The following GLRA1 variants were observed in gnomAD, a reference collection of about 807,000 sequenced individuals.
GLRA1 encodes glycine receptor alpha 1.
Under a neutral mutation model 48.3 loss-of-function variants are expected in GLRA1, and 37 were observed. The observed-to-expected ratio is 0.77, with a 90% CI of 0.59 to 1.01. The LOEUF is 1.01. GLRA1 is among the 50% of genes least tolerant of loss of function. GLRA1 has a pLI of 0.00. For synonymous variants in GLRA1, 196 were observed against 210.7 expected (o/e 0.93, Z 0.60); for missense variants, 427 against 571.0 (o/e 0.75, Z 2.57).
At chr5:151,826,178 G>T (rs933942485) in intron 8 of GLRA1, among the ~76,000 whole-genome samples, 2 of 152,208 alleles carry the variant, frequency 1.3e-5, no homozygotes, top group African/African-American at 4.8e-5. Context: ...GGCAGTTCCA[G>T]TGCACCAATA....
intron 1 of GLRA1, among the ~76,000 whole-genome samples, chr5:151,913,744 A>G (rs540210223): frequency 2.6e-5 from 4 of 152,302 alleles, no homozygotes; most frequent in East Asian, 1.9e-4. Flanking sequence ...CTGGATTCCA[A>G]TCCCACACTG....
intron 8 of GLRA1, among the ~76,000 whole-genome samples, chr5:151,827,606 T>C (rs1763309220): frequency 1.3e-5 from 2 of 152,310 alleles, no homozygotes; most frequent in South Asian, 2.1e-4. Flanking sequence ...TAAAGAAAAC[T>C]AAAGAGGCAG....
At chr5:151,912,209 A>C (rs1754631666) in intron 1 of GLRA1, among the ~76,000 whole-genome samples, 1 of 150,018 alleles carries the variant, frequency 6.7e-6, no homozygotes, top group Admixed American at 6.6e-5. Context: ...CATTTATTCA[A>C]GCACCCTCTC....
chr5:151,838,847 A>T (rs1216955060), intron 7 of GLRA1, among the ~76,000 whole-genome samples: 1 of 152,236 alleles, frequency 6.6e-6, no homozygotes, highest in African/African-American at 2.4e-5. Context: ...ACCTAGACAC[A>T]TCCTAATCAA....
intron 7 of GLRA1, among the ~76,000 whole-genome samples, chr5:151,839,646 CTTAGGG>C (rs149741882): frequency 7.1e-4 from 108 of 152,148 alleles, no homozygotes; most frequent in Middle Eastern, 3.4e-3. Flanking sequence ...TTAGGTTAGA[CTTAGGG>C]TTAGGGTTAG....
At chr5:151,872,859 T>A (rs550561065) in intron 3 of GLRA1, among the ~76,000 whole-genome samples, 1 of 149,852 alleles carries the variant, frequency 6.7e-6, no homozygotes, top group African/African-American at 2.6e-5. Context: ...GAGAGAGGCG[T>A]CAAGCTGTGG....
Position 151,924,765 on chromosome 5 carries a change from G to GGA in GLRA1, c.-218_-217dup. ...CGGCTGCGAGGCGTTTCAGCACCAC[G>GGA]GAGAGCGTCCAGACCTGCTTTTCAG... On this transcript the variant is annotated 5_prime_UTR_variant, in exon 1 of 9. Coordinates refer to ENST00000274576, the MANE Select transcript of GLRA1 (RefSeq NM_000171.4). 1.6e-6 allele frequency: 1 copy of GGA among 635,584 alleles called. No homozygotes were observed. The highest frequency in any genetic ancestry group is 1.8e-5 in the African/African-American group (1 of 55,154). 39.4% of individuals were successfully genotyped at this position (635,584 alleles called of 1,614,324 possible).
intron 3 of GLRA1, among the ~76,000 whole-genome samples, chr5:151,885,378 G>A (rs1169311054): frequency 4.6e-5 from 7 of 152,224 alleles, no homozygotes; most frequent in Non-Finnish European, 7.3e-5. Flanking sequence ...GGTTGGTACA[G>A]TGGTAATTGT....
Position 151,828,831 on chromosome 5 carries a change from C to G in GLRA1, c.1059+90G>C. 6.1e-6 allele frequency: 8 copies of G among 1,301,780 alleles called. No homozygotes were observed. The South Asian group carries it at 1.1e-4, about 18-fold the overall frequency. The allele number at this position is 1,301,780 out of a possible 1,614,324, so 80.6% of individuals were successfully genotyped here. ...GCCTTGCACATTGAGAAGGATGGACCATTGAAACAAATAACACAAGACAAT... is the reference window on the plus strand; with the variant it reads ...GCCTTGCACATTGAGAAGGATGGACGATTGAAACAAATAACACAAGACAAT... On this transcript the variant is annotated intron_variant, in intron 8 of 8. Transcript: ENST00000274576.
At chr5:151,858,255 A>C (rs554939715) in intron 4 of GLRA1, among the ~76,000 whole-genome samples, 2 of 152,202 alleles carry the variant, frequency 1.3e-5, no homozygotes, top group Non-Finnish European at 2.9e-5. Context: ...AGGCTGAGGA[A>C]GAAGAGGCAA....
At chr5:151,873,621 AC>A (rs1418840313) in intron 3 of GLRA1, among the ~76,000 whole-genome samples, 3 of 150,796 alleles carry the variant, frequency 2.0e-5, no homozygotes, top group African/African-American at 7.3e-5. Context: ...GATTGAGATC[AC>A]GCCACTGCAC....
At chr5:151,880,516 C>T (rs1361690723) in intron 3 of GLRA1, among the ~76,000 whole-genome samples, 1 of 152,254 alleles carries the variant, frequency 6.6e-6, no homozygotes, top group African/African-American at 2.4e-5. Context: ...CTAGCCTGCC[C>T]CTTGGCAAGA....
intron 3 of GLRA1, among the ~76,000 whole-genome samples, chr5:151,861,426 G>A (rs1472184836): frequency 1.3e-5 from 2 of 152,178 alleles, no homozygotes; most frequent in South Asian, 4.1e-4. Flanking sequence ...ATTCTAACTG[G>A]TGTGAGATGG....
chr5:151,911,658 T>G (rs1373355438), intron 1 of GLRA1, among the ~76,000 whole-genome samples: 1 of 135,516 alleles, frequency 7.4e-6, no homozygotes, highest in African/African-American at 2.9e-5. Context: ...CAGGCCGGAG[T>G]GCAGTGGCAC....
At chr5:151,849,381 C>CTTTCCTTTCG (rs1752817636) in intron 7 of GLRA1, among the ~76,000 whole-genome samples, 2 of 4,788 alleles carry the variant, frequency 4.2e-4, no homozygotes, top group Non-Finnish European at 3.6e-4. Flanking sequence ...CTTTCGTTTC[C>CTTTCCTTTCG]TTTCCTTTCC....
chr5:151,898,757 T>C (rs1681441121), intron 1 of GLRA1, among the ~76,000 whole-genome samples: 1 of 152,108 alleles, frequency 6.6e-6, no homozygotes, highest in African/African-American at 2.4e-5. Context: ...AAGAGGACAC[T>C]GTAAAAACGA....
rs375546011 is a variant in GLRA1 at position 151,849,153 on chromosome 5, T to TTTCTTTCTTTC, written c.912+2236_912+2237insGAAAGAAAGAA. 744 of 75,936 alleles carry TTTCTTTCTTTC rather than the reference T, an allele frequency of 9.8e-3. 4 individuals are homozygous for TTTCTTTCTTTC. Among genetic ancestry groups the TTTCTTTCTTTC allele is most frequent in the Admixed American group, 0.026 (136 of 5,136 alleles). 4.7% of individuals were successfully genotyped at this position (75,936 alleles called of 1,614,324 possible). A position where few individuals can be genotyped will look rare whatever the true frequency, so the allele number is the denominator to read the frequency against. ...CTTTCTTTCTTTCTTTCTTTCTTTCTTTTCTTTTCTTTTCTTTCTTTCTTT... is the reference window on the plus strand; with the variant it reads ...CTTTCTTTCTTTCTTTCTTTCTTTCTTTCTTTCTTTCTTTCTTTTCTTTTCTTTCTTTCTTT... On this transcript the variant is annotated intron_variant, in intron 7 of 8. Transcript: ENST00000274576.
chr5:151,917,548 G>A (rs1460833693), intron 1 of GLRA1, among the ~76,000 whole-genome samples: 1 of 152,112 alleles, frequency 6.6e-6, no homozygotes, highest in Non-Finnish European at 1.5e-5. Context: ...CATAATCTAT[G>A]CCATAAACTA....
At chr5:151,876,120 A>G (rs1753623312) in intron 3 of GLRA1, among the ~76,000 whole-genome samples, 1 of 152,118 alleles carries the variant, frequency 6.6e-6, no homozygotes, top group Non-Finnish European at 1.5e-5. Flanking sequence ...CTTTGTTTCA[A>G]TTTATCCTTT....
Sources: allele counts gnomAD v4.1 joint callset (sites outside exome capture counted in the v4.1 genomes callset), GRCh38; gene constraint gnomAD v4.1.1; transcripts MANE v1.5; gene names NCBI Gene and HGNC (gene_info 2026-07-23, HGNC 2026-07-21).